Variants in TAF7L observed in about 807,000 individuals in gnomAD.
TAF7L encodes TATA-box binding protein associated factor 7 like, also known as transcription initiation factor TFIID subunit 7-like.
In TAF7L, 6 loss-of-function variants were observed where a neutral mutation model predicts 30.2. The ratio of observed to expected loss-of-function variants is 0.20; its 90% CI spans 0.11 to 0.39. The LOEUF (loss-of-function observed/expected upper bound fraction) is 0.39. Ranked by LOEUF, TAF7L falls within the 10% of genes least tolerant of loss-of-function variation. The pLI, the probability that TAF7L is intolerant of heterozygous loss-of-function variation, is 1.00. For missense variants in TAF7L, 284 were observed against 277.1 expected (o/e 1.03, Z -0.18); for synonymous variants, 93 against 94.5 (o/e 0.98, Z 0.09).
intron 5 of TAF7L, 111 bp from the exon 6 acceptor site, chrX:101,281,886 T>A: frequency 4.2e-5 from 2 of 47,425 alleles, no homozygotes; most frequent in Non-Finnish European, 3.4e-5. Flanking sequence ...ACATCACTCC[T>A]TTTTTTTTTT....
Position 101,276,461 on chromosome X carries a change from ATCC to A in TAF7L, c.756_758del (p.Glu252del). The A allele has an allele frequency of 1.7e-6, 2 of 1,204,978 alleles. No individual in the cohort carries two copies. The highest frequency in any genetic ancestry group is 3.0e-5 in the East Asian group (1 of 33,775). On this transcript the variant is annotated inframe_deletion, in exon 10 of 13. Coordinates refer to ENST00000356784, the MANE Select transcript of TAF7L (RefSeq NM_001168474.2). The stretch of plus-strand genomic sequence containing the variant: ...CCTCATCCTCATCCTCATCTTCATC[ATCC>A]TCATCCTCATCATCATCATTGTTAC...
chrX:101,293,007 T>C, upstream of TAF7L: 3 of 1,211,492 alleles, frequency 2.5e-6, no homozygotes, highest in Non-Finnish European at 3.4e-6. Context: ...TTGAATCATT[T>C]TCTGAAGAAA....
intron 6 of TAF7L, among the ~76,000 whole-genome samples, chrX:101,279,945 C>A (rs769565301): frequency 1.9e-5 from 2 of 107,186 alleles, no homozygotes; most frequent in East Asian, 2.9e-4. Context: ...AACAAACAAA[C>A]AAAAACAAAA....
At chrX:101,282,088 G>A (rs1457051989) in intron 5 of TAF7L, among the ~76,000 whole-genome samples, 1 of 110,177 alleles carries the variant, frequency 9.1e-6, no homozygotes, top group Non-Finnish European at 1.9e-5. Context: ...GTTTCACCAT[G>A]TTGGCCAAGC....
At chrX:101,283,712 A>G in intron 3 of TAF7L, 129 bp from the exon 4 acceptor site, 3 of 692,618 alleles carry the variant, frequency 4.3e-6, no homozygotes, top group Non-Finnish European at 6.4e-6. Context: ...TCATAATGCT[A>G]GAATTGTGTA....
intron 2 of TAF7L, among the ~76,000 whole-genome samples, chrX:101,287,099 A>G (rs1924632081): frequency 4.5e-5 from 5 of 111,950 alleles, no homozygotes; most frequent in Admixed American, 1.9e-4. Flanking sequence ...GAGCTTTAAA[A>G]GTCTTGCATG....
At chrX:101,278,960 G>A (rs749882927) in intron 7 of TAF7L, 34 bp downstream of exon 7, 1 of 1,150,999 alleles carries the variant, frequency 8.7e-7, no homozygotes, top group Non-Finnish European at 1.2e-6. Flanking sequence ...AACACATTAA[G>A]GGTAAAAATG....
chrX:101,280,031 A>T, intron 6 of TAF7L, among the ~76,000 whole-genome samples: 1 of 98,095 alleles, frequency 1.0e-5, no homozygotes, highest in Admixed American at 1.1e-4. Context: ...AATGGGCATC[A>T]GGCTTAAAAA....
At position 101,277,598 on chromosome X, in the gene TAF7L, T is replaced by C; in HGVS notation, c.691+8A>G. 8.8e-7 allele frequency: 1 copy of C among 1,133,326 alleles called. No individual in the cohort carries two copies. The highest frequency in any genetic ancestry group is 1.9e-5 in the African/African-American group (1 of 53,809). The allele number at this position is 1,133,326 out of a possible 1,213,427, so 93.4% of individuals were successfully genotyped here. Reference sequence around the variant, plus strand: ...TCTGAAACTCCTGCTTTGCCTTTACTAAAGTACCTGACGAGGTATGACCCT... The same window carrying C: ...TCTGAAACTCCTGCTTTGCCTTTACCAAAGTACCTGACGAGGTATGACCCT... On this transcript the variant is annotated splice_region_variant and intron_variant, in intron 9 of 12. Transcript: ENST00000356784.
intron 11 of TAF7L, 21 bp from the exon 12 acceptor site, chrX:101,275,302 A>G: frequency 4.7e-6 from 5 of 1,054,039 alleles, no homozygotes; most frequent in Non-Finnish European, 6.4e-6. Context: ...AATTGTATAA[A>G]TGATGAACAC....
intron 12 of TAF7L, among the ~76,000 whole-genome samples, chrX:101,274,932 T>C (rs1250557135): frequency 2.7e-5 from 3 of 112,238 alleles, no homozygotes; most frequent in Non-Finnish European, 5.6e-5. Flanking sequence ...ATATACATTA[T>C]TTTGCTTAAA....
At chrX:101,285,787 T>A (rs766939154) in intron 3 of TAF7L, among the ~76,000 whole-genome samples, 2 of 111,379 alleles carry the variant, frequency 1.8e-5, no homozygotes, top group Admixed American at 1.9e-4. Flanking sequence ...AGGTTATTTG[T>A]TTTCTTGCTA....
At position 101,287,460 on chromosome X, in the gene TAF7L, T is replaced by C. The variant is rs745600675; in HGVS notation, c.66+18A>G. The C allele has an allele frequency of 1.1e-5, 12 of 1,126,125 alleles. No homozygotes were observed. In the Admixed American group the frequency reaches 2.7e-4, roughly 25 times the overall value. The allele number at this position is 1,126,125 out of a possible 1,213,427, so 92.8% of individuals were successfully genotyped here. On this transcript the variant is annotated intron_variant, in intron 2 of 12. Coordinates refer to ENST00000356784, the MANE Select transcript of TAF7L (RefSeq NM_001168474.2). ...ACTATAATTATGAAGATATTTGTTC[T>C]GAGATACAAGTTCTTACCAGAGGCA...
In TAF7L at chrX:101,283,581, C is replaced by T; in HGVS notation, c.148G>A (p.Asp50Asn). The change falls in exon 4 of 13, where the codon GAT becomes AAT. Residue 50 changes from aspartate (D) to asparagine (N), a missense_variant and splice_region_variant. Physicochemically the swap from Asp to Asn is conservative, Grantham distance 23. Transcript: ENST00000356784. Reference sequence around the variant, plus strand: ...ACTTCAACAACTGCATGGCGCCCATCAGCTGAAGAGAAGTAAAGATTAAAG... The same window carrying T: ...ACTTCAACAACTGCATGGCGCCCATTAGCTGAAGAGAAGTAAAGATTAAAG... ...KDKLKIDLLP[D>N]GRHAVVEVED... The T allele has an allele frequency of 8.3e-7, 1 of 1,210,475 alleles. No individual in the cohort carries two copies. Among genetic ancestry groups the T allele is most frequent in the Non-Finnish European group, 1.1e-6 (1 of 895,070 alleles).
chrX:101,285,794 G>A (rs1186867394), intron 3 of TAF7L, among the ~76,000 whole-genome samples: 1 of 110,665 alleles, frequency 9.0e-6, no homozygotes, highest in African/African-American at 3.3e-5. Flanking sequence ...TTGTTTTCTT[G>A]CTATTGAGTT....
upstream of TAF7L, among the ~76,000 whole-genome samples, chrX:101,292,437 C>CAAAA (rs145821944): frequency 3.6e-4 from 13 of 35,731 alleles, no homozygotes; most frequent in African/African-American, 1.6e-3. Flanking sequence ...GAAACTCCGT[C>CAAAA]AAAAAAAAAA....
In TAF7L at chrX:101,269,121, C is replaced by T. The variant is rs374983284; in HGVS notation, c.*72G>A. 127 of 982,539 alleles carry T rather than the reference C, an allele frequency of 1.3e-4. No individual in the cohort carries two copies. The African/African-American group carries it at 2.0e-3, about 16-fold the overall frequency. 81.0% of individuals were successfully genotyped at this position (982,539 alleles called of 1,213,427 possible). ...CATAAGGCAACTGAAGGGACAAAAACGTGCACAGTTTCATCCAATCTGCAG... is the reference window on the plus strand; with the variant it reads ...CATAAGGCAACTGAAGGGACAAAAATGTGCACAGTTTCATCCAATCTGCAG... On this transcript the variant is annotated 3_prime_UTR_variant, in exon 13 of 13. Transcript: ENST00000356784.
At chrX:101,284,479 C>T (rs1446059032) in intron 3 of TAF7L, among the ~76,000 whole-genome samples, 3 of 112,110 alleles carry the variant, frequency 2.7e-5, no homozygotes, top group East Asian at 5.6e-4. Flanking sequence ...ATTATCATGC[C>T]TCAGCCTCCC....
chrX:101,288,347 C>T (rs938996311), intron 1 of TAF7L, among the ~76,000 whole-genome samples: 1 of 109,533 alleles, frequency 9.1e-6, no homozygotes, highest in African/African-American at 3.3e-5. Flanking sequence ...TTCACCATGT[C>T]GGCTAGGCTG....
Sources: gnomAD v4.1 joint callset for allele counts (sites outside exome capture counted in the v4.1 genomes callset) on GRCh38, gnomAD v4.1.1 for gene constraint, MANE v1.5 for transcripts, NCBI Gene and HGNC (gene_info 2026-07-23, HGNC 2026-07-21) for gene names.